The following TJP2 variants were observed in gnomAD, a reference collection of about 807,000 sequenced individuals.
TJP2 encodes Friedreich ataxia region gene X104 (tight junction protein ZO-2).
TJP2 carries 91 observed loss-of-function variants against 133.1 expected under a neutral mutation model. That is an observed-to-expected ratio of 0.68 (90% confidence interval 0.58 to 0.81). The LOEUF (loss-of-function observed/expected upper bound fraction) is 0.81, where lower values mean the gene tolerates loss of function less well. TJP2 is among the 40% of genes least tolerant of loss of function. The pLI is 0.00. For missense variants in TJP2, 1,541 were observed against 1,565.6 expected (o/e 0.98, Z 0.26); for synonymous variants, 592 against 583.4 (o/e 1.01, Z -0.21).
At chr9:69,227,913 A>C (rs1167433570) in intron 8 of TJP2, 40 bp downstream of exon 8, 1 of 1,609,884 alleles carries the variant, frequency 6.2e-7, no homozygotes. Flanking sequence ...TGTCATTGTG[A>C]ATGTACACAC....
In TJP2 at chr9:69,221,098, G is replaced by A. The variant is rs758974727; in HGVS notation, c.554G>A (p.Arg185Gln). 24 of 1,582,828 alleles carry A rather than the reference G, an allele frequency of 1.5e-5. No homozygotes were observed. The highest frequency in any genetic ancestry group is 2.0e-5 in the Non-Finnish European group (23 of 1,165,076). ...PERGRPHERARSRERDLSRDR... is the reference protein window; with the variant it reads ...PERGRPHERAQSRERDLSRDR... ...AGGGGGCGTCCCCATGAGCGGGCCC[G>A]GAGCCGGGAGCGGGACCTCAGCCGG... is the stretch of plus-strand genomic sequence containing the variant. The change falls in exon 5 of 23, where the codon CGG becomes CAG. Residue 185 changes from arginine to glutamine, a missense_variant. Arg to Gln is a conservative substitution (Grantham distance 43). Transcript: ENST00000377245.
intron 3 of TJP2, 102 bp from the exon 4 acceptor site, chr9:69,218,155 A>G (rs569819668): frequency 1.1e-4 from 104 of 983,632 alleles, no homozygotes; most frequent in Admixed American, 6.6e-4. Flanking sequence ...CCCTTTAGAA[A>G]GCCTTTCAGG....
At chr9:69,205,256 C>G (rs1466163116) in intron 1 of TJP2, 1 of 1,537,262 alleles carries the variant, frequency 6.5e-7, no homozygotes, top group South Asian at 1.2e-5. Flanking sequence ...GCAAGCTCTC[C>G]CCTTGTTTTC....
intron 19 of TJP2, chr9:69,248,848 T>A: frequency 1.0e-6 from 1 of 994,182 alleles, no homozygotes; most frequent in Non-Finnish European, 1.2e-6. Flanking sequence ...TCAGAGAATG[T>A]TGGAATAATG....
intron 1 of TJP2, among the ~76,000 whole-genome samples, chr9:69,202,755 G>A (rs537961847): frequency 1.3e-5 from 2 of 151,978 alleles, no homozygotes; most frequent in Admixed American, 6.6e-5. Flanking sequence ...CGGCAGAGGC[G>A]GAAGAGGTGG....
At chr9:69,179,985 G>A (rs758854282) in intron 1 of TJP2, among the ~76,000 whole-genome samples, 10 of 152,150 alleles carry the variant, frequency 6.6e-5, no homozygotes, top group East Asian at 1.9e-4. Context: ...ATTAATTAGT[G>A]TGGTAATTAT....
chr9:69,234,370 T>TTTTTTCTTTC, intron 11 of TJP2, 69 bp from the exon 12 acceptor site: 6 of 1,117,180 alleles, frequency 5.4e-6, no homozygotes, highest in Non-Finnish European at 6.3e-6. Context: ...CTTCTCTGTT[T>TTTTTTCTTTC]TTTCTTTCTT....
chr9:69,212,193 G>A (rs1037371926), intron 1 of TJP2, among the ~76,000 whole-genome samples: 2 of 152,074 alleles, frequency 1.3e-5, no homozygotes, highest in African/African-American at 4.8e-5. Flanking sequence ...CAGGAAGAGG[G>A]GGAGAATGAT....
At chr9:69,248,447 C>G in intron 19 of TJP2, 1 of 1,403,550 alleles carries the variant, frequency 7.1e-7, no homozygotes, top group South Asian at 1.9e-5. Flanking sequence ...GTCAGCACTC[C>G]GCACACCCAT....
intron 11 of TJP2, among the ~76,000 whole-genome samples, chr9:69,233,852 G>GTAAC (rs1829971191): frequency 6.6e-6 from 1 of 151,790 alleles, no homozygotes; most frequent in Admixed American, 6.6e-5. Context: ...TACTTGCTTT[G>GTAAC]TAACTGTAAG....
rs767185641 is a variant in TJP2 at position 69,254,461 on chromosome 9, T to A, written c.*87T>A. 6 of 1,554,046 alleles carry A rather than the reference T, an allele frequency of 3.9e-6. No individual in the cohort carries two copies. Among genetic ancestry groups the A allele is most frequent in the Middle Eastern group, 2.2e-4 (1 of 4,512 alleles). ...GGCCGCCGGGATGGTTCTTCTCCAG[T>A]TAGAATGCACCATGGAGACGTGGTG... On this transcript the variant is annotated 3_prime_UTR_variant, in exon 23 of 23. Transcript: ENST00000377245.
At chr9:69,224,403 C>T (rs752984840) in intron 5 of TJP2, among the ~76,000 whole-genome samples, 58 of 152,162 alleles carry the variant, frequency 3.8e-4, no homozygotes, top group Non-Finnish European at 6.9e-4. Flanking sequence ...TTTGGCCAGG[C>T]GCAGTGGCTC....
chr9:69,229,278 C>T (rs2133337314), intron 10 of TJP2, 28 bp downstream of exon 10: 1 of 1,600,894 alleles, frequency 6.2e-7, no homozygotes, highest in Non-Finnish European at 8.6e-7. Flanking sequence ...TCTTTGTTTT[C>T]CCTTCTTCCT....
intron 1 of TJP2, among the ~76,000 whole-genome samples, chr9:69,192,326 C>T (rs1053093318): frequency 4.6e-5 from 7 of 151,982 alleles, no homozygotes. Flanking sequence ...TCACTTGATC[C>T]TCACCAAGAA....
chr9:69,249,032 T>TA, intron 19 of TJP2: 2 of 1,011,966 alleles, frequency 2.0e-6, no homozygotes, highest in Non-Finnish European at 2.4e-6. Flanking sequence ...AATACACCAT[T>TA]ACCACAGCAA....
At chr9:69,222,816 C>T (rs1046200781) in intron 5 of TJP2, among the ~76,000 whole-genome samples, 1 of 151,488 alleles carries the variant, frequency 6.6e-6, no homozygotes, top group African/African-American at 2.4e-5. Context: ...CACCTGTAAT[C>T]CCAGCACTAT....
chr9:69,139,219 A>G (rs1453401148), intron 1 of TJP2, among the ~76,000 whole-genome samples: 1 of 152,224 alleles, frequency 6.6e-6, no homozygotes, highest in Non-Finnish European at 1.5e-5. Flanking sequence ...TTCATCTCAA[A>G]AAAACCAACC....
chr9:69,244,354 A>G (rs1466457086), intron 17 of TJP2, among the ~76,000 whole-genome samples: 1 of 151,996 alleles, frequency 6.6e-6, no homozygotes, highest in Non-Finnish European at 1.5e-5. Flanking sequence ...TAAACCCTCT[A>G]GTCTTAGATG....
intron 1 of TJP2, among the ~76,000 whole-genome samples, chr9:69,192,300 C>CT (rs1378196375): frequency 6.6e-6 from 1 of 151,576 alleles, no homozygotes; most frequent in African/African-American, 2.4e-5. Context: ...AAAAAAAAAA[C>CT]TTTCATGTTA....
Sources: allele counts gnomAD v4.1 joint callset (sites outside exome capture counted in the v4.1 genomes callset), GRCh38; gene constraint gnomAD v4.1.1; transcripts MANE v1.5; gene names NCBI Gene and HGNC (gene_info 2026-07-23, HGNC 2026-07-21).